Variants in RBFOX3 observed in about 807,000 individuals in gnomAD.
RBFOX3 encodes RNA binding fox-1 homolog 3.
In RBFOX3, 17 loss-of-function variants were observed where a neutral mutation model predicts 48.7. The observed-to-expected ratio is 0.35, with a 90% confidence interval of 0.24 to 0.52. The LOEUF (loss-of-function observed/expected upper bound fraction) is 0.52. Ranked by LOEUF, RBFOX3 falls within the 20% of genes least tolerant of loss-of-function variation. RBFOX3 has a pLI of 0.94. For synonymous variants in RBFOX3, 212 were observed against 209.5 expected, an observed-to-expected ratio of 1.01 and a Z score of -0.10; for missense variants, 382 against 497.5, an observed-to-expected ratio of 0.77 and a Z score of 2.21.
At chr17:79,484,688 G>C (rs893223910) in intron 1 of RBFOX3, among the ~76,000 whole-genome samples, 1 of 152,170 alleles carries the variant, frequency 6.6e-6, no homozygotes, top group Non-Finnish European at 1.5e-5. Context: ...CTGGTGGGGA[G>C]AGAAAGCAGG....
intron 1 of RBFOX3, among the ~76,000 whole-genome samples, chr17:79,491,371 G>T (rs1255862814): frequency 6.6e-6 from 1 of 151,974 alleles, no homozygotes; most frequent in Non-Finnish European, 1.5e-5. Flanking sequence ...GCCATTTGAG[G>T]AATTTTAAGT....
the RBFOX3 span, among the ~76,000 whole-genome samples, chr17:79,630,478 T>C: frequency 2.1e-4 from 32 of 152,196 alleles, no homozygotes; most frequent in Non-Finnish European, 3.5e-4. Context: ...ACTGTGTTGC[T>C]TGATCCTGCC....
intron 5 of RBFOX3, among the ~76,000 whole-genome samples, chr17:79,112,918 G>GGC (rs2032478069): frequency 1.2e-5 from 1 of 86,546 alleles, no homozygotes; most frequent in Non-Finnish European, 2.3e-5. Flanking sequence ...GGGGGGGTGG[G>GGC]CTGGGTAGGA....
At position 79,111,824 on chromosome 17, in the gene RBFOX3, C is replaced by T. The variant is rs1433598631; in HGVS notation, c.222+3670G>A. ...GACCCCGAGTGAGTGAATACATGCT[C>T]CAGATGGTGACCCCTGCTGGGGAAC... On this transcript the variant is annotated intron_variant, in intron 5 of 14. Transcript: ENST00000693108. This position sits in a 1 kb window ranked among gnomAD's most constrained non-coding sequence, Gnocchi z 4.2. Among the ~76,000 whole-genome samples, 2 of 152,232 alleles carry T rather than the reference C, an allele frequency of 1.3e-5. No homozygotes were observed. The highest frequency in any genetic ancestry group is 2.9e-5 in the Non-Finnish European group (2 of 68,044).
intron 4 of RBFOX3, among the ~76,000 whole-genome samples, chr17:79,166,006 G>C (rs985407684): frequency 6.6e-6 from 1 of 152,222 alleles, no homozygotes; most frequent in South Asian, 2.1e-4. Flanking sequence ...CACAGGCCCC[G>C]GGTTTACACA....
intron 4 of RBFOX3, among the ~76,000 whole-genome samples, chr17:79,207,447 C>T (rs1319919427): frequency 1.3e-5 from 2 of 152,232 alleles, no homozygotes; most frequent in Non-Finnish European, 2.9e-5. Context: ...GGATGCTGCT[C>T]CACCCCTAGC....
intron 2 of RBFOX3, among the ~76,000 whole-genome samples, chr17:79,457,826 C>T (rs2074772718): frequency 6.6e-6 from 1 of 152,222 alleles, no homozygotes; most frequent in Non-Finnish European, 1.5e-5. Context: ...CGGAACGTGA[C>T]CTCTAAGAGC....
At chr17:79,285,840 T>C (rs190216402) in intron 3 of RBFOX3, among the ~76,000 whole-genome samples, 1 of 152,270 alleles carries the variant, frequency 6.6e-6, no homozygotes, top group African/African-American at 2.4e-5. Flanking sequence ...CCCACCATCA[T>C]GCCCAGGTAA....
chr17:79,489,891 AC>A (rs2080248372), intron 1 of RBFOX3, among the ~76,000 whole-genome samples: 3 of 152,148 alleles, frequency 2.0e-5, no homozygotes, highest in Non-Finnish European at 4.4e-5. Flanking sequence ...ACCCCGCAAA[AC>A]ATAAGCTCCT....
chr17:79,170,744 T>C (rs1221681843), intron 4 of RBFOX3, among the ~76,000 whole-genome samples: 1 of 152,158 alleles, frequency 6.6e-6, no homozygotes, highest in Non-Finnish European at 1.5e-5. Flanking sequence ...CTTTCCTTAC[T>C]TGTAAATCTG....
intron 2 of RBFOX3, among the ~76,000 whole-genome samples, chr17:79,308,106 A>G (rs1376470050): frequency 6.6e-6 from 1 of 152,200 alleles, no homozygotes; most frequent in Non-Finnish European, 1.5e-5. Context: ...AGCTGGGGTC[A>G]GAGGGGAGAG....
chr17:79,143,052 G>C (rs2042223440), intron 4 of RBFOX3, among the ~76,000 whole-genome samples: 1 of 152,170 alleles, frequency 6.6e-6, no homozygotes, highest in South Asian at 2.1e-4. Context: ...CTGCACATCT[G>C]CTTCCCATCT....
chr17:79,579,878 GT>G (rs1162210462), intron 1 of RBFOX3, among the ~76,000 whole-genome samples: 1 of 97,594 alleles, frequency 1.0e-5, no homozygotes, highest in Non-Finnish European at 2.0e-5. Flanking sequence ...GTGGTGGGGG[GT>G]CACTGGCACT....
In RBFOX3 at chr17:79,303,851, C is replaced by CTGTGTGTGTGTG. The variant is rs34981785; in HGVS notation, c.-74+3861_-74+3872dup. ...TTTGTATGCATGTGTGCATGTCTGC[C>CTGTGTGTGTGTG]TGTGTGTGTGTGTGTGTGTGTGTGT... On this transcript the variant is annotated intron_variant, in intron 3 of 14. Transcript: ENST00000693108. 5.5e-4 allele frequency among the ~76,000 whole-genome samples: 82 copies of CTGTGTGTGTGTG among 147,876 alleles called. 1 individual carries two copies. The highest frequency in any genetic ancestry group is 1.8e-3 in the African/African-American group (73 of 40,328).
chr17:79,105,889 G>A (rs1031309381), intron 6 of RBFOX3, among the ~76,000 whole-genome samples: 8 of 151,902 alleles, frequency 5.3e-5, no homozygotes, highest in African/African-American at 1.9e-4. Context: ...GAGCCACCCA[G>A]CTGCTGCCGC....
intron 4 of RBFOX3, among the ~76,000 whole-genome samples, chr17:79,130,041 G>C (rs1039835646): frequency 6.6e-6 from 1 of 152,178 alleles, no homozygotes; most frequent in Non-Finnish European, 1.5e-5. Context: ...TGCTTGCTGG[G>C]GAAAGGCTCA....
At chr17:79,405,221 TCTC>T (rs1813118979) in intron 2 of RBFOX3, among the ~76,000 whole-genome samples, 1 of 152,156 alleles carries the variant, frequency 6.6e-6, no homozygotes, top group African/African-American at 2.4e-5. Context: ...ACTGGGGCAT[TCTC>T]CTCCACACTG....
At chr17:79,442,778 G>A (rs2071412349) in intron 2 of RBFOX3, among the ~76,000 whole-genome samples, 1 of 152,044 alleles carries the variant, frequency 6.6e-6, no homozygotes, top group Middle Eastern at 3.4e-3. Flanking sequence ...GGGGTGAGGA[G>A]GGGAGAGAGG....
At chr17:79,357,890 T>C (rs967992195) in intron 2 of RBFOX3, among the ~76,000 whole-genome samples, 1 of 151,884 alleles carries the variant, frequency 6.6e-6, no homozygotes, top group Non-Finnish European at 1.5e-5. Flanking sequence ...TTGAAGTTTT[T>C]TTTTTACTTT....
Sources: allele counts gnomAD v4.1 joint callset (sites outside exome capture counted in the v4.1 genomes callset), GRCh38; gene constraint gnomAD v4.1.1; non-coding constraint Gnocchi (gnomAD v3.1); transcripts MANE v1.5; gene names NCBI Gene and HGNC (gene_info 2026-07-23, HGNC 2026-07-21).